NELL2: variants seen among roughly 807,000 people sequenced by gnomAD.
NELL2 encodes the protein neural EGFL like 2.
NELL2 carries 41 observed loss-of-function variants against 109.6 expected under a neutral mutation model. That is an observed-to-expected ratio of 0.37 (90% CI 0.29 to 0.49). The LOEUF is 0.49. Among genes scored for constraint, NELL2 ranks in the 20% least tolerant of loss-of-function variants. The pLI, the probability that NELL2 is intolerant of heterozygous loss-of-function variation, is 0.98. For missense variants in NELL2, 900 were observed against 1,008.3 expected (o/e 0.89, Z 1.45); for synonymous variants, 355 against 344.7 (o/e 1.03, Z -0.33).
At chr12:44,710,885 T>TATAAAAAG (rs1308051817) in intron 11 of NELL2, among the ~76,000 whole-genome samples, 2 of 152,022 alleles carry the variant, frequency 1.3e-5, no homozygotes, top group African/African-American at 4.8e-5. Flanking sequence ...ATATTCTAGG[T>TATAAAAAG]AAGTTATAAA....
At chr12:44,918,217 C>A (rs1945842841), upstream of NELL2, among the ~76,000 whole-genome samples, 1 of 152,110 alleles carries the variant, frequency 6.6e-6, no homozygotes, top group South Asian at 2.1e-4. Flanking sequence ...TTAAATTTGA[C>A]TTTGTTTTTT....
chr12:44,824,247 T>A (rs1943632182), intron 2 of NELL2, among the ~76,000 whole-genome samples: 1 of 152,258 alleles, frequency 6.6e-6, no homozygotes, highest in Admixed American at 6.5e-5. Context: ...TGTTTCCATT[T>A]TAGTGCAGAA....
At chr12:44,703,669 C>T in intron 12 of NELL2, 57 bp downstream of exon 12, 3 of 1,588,318 alleles carry the variant, frequency 1.9e-6, no homozygotes, top group African/African-American at 1.4e-5. Flanking sequence ...ATAAATTTTG[C>T]ATGCAGTAAT....
At chr12:44,706,742 C>T (rs1249090434) in intron 11 of NELL2, among the ~76,000 whole-genome samples, 1 of 152,060 alleles carries the variant, frequency 6.6e-6, no homozygotes, top group Non-Finnish European at 1.5e-5. Context: ...AAAGAAAATT[C>T]AAATATTTGT....
chr12:44,769,836 A>T (rs1198233268), intron 9 of NELL2, among the ~76,000 whole-genome samples: 4 of 152,168 alleles, frequency 2.6e-5, no homozygotes, highest in Non-Finnish European at 5.9e-5. Context: ...AGATGCAGCT[A>T]CATTTTTGAC....
chr12:44,824,441 G>A (rs530734262), intron 2 of NELL2, among the ~76,000 whole-genome samples: 1 of 152,202 alleles, frequency 6.6e-6, no homozygotes, highest in Non-Finnish European at 1.5e-5. Flanking sequence ...TGTGAGATAA[G>A]GGTCTAATTT....
intron 9 of NELL2, among the ~76,000 whole-genome samples, chr12:44,749,393 T>C (rs1374161282): frequency 6.6e-6 from 1 of 152,202 alleles, no homozygotes; most frequent in African/African-American, 2.4e-5. Flanking sequence ...TTATTTTTCC[T>C]AATTCTATTT....
At chr12:44,683,913 A>T (rs1038144013) in intron 12 of NELL2, among the ~76,000 whole-genome samples, 2 of 152,164 alleles carry the variant, frequency 1.3e-5, no homozygotes, top group African/African-American at 4.8e-5. Context: ...AGGCTTTGGT[A>T]TCAGGATGAT....
chr12:44,854,923 G>A (rs905853366), intron 2 of NELL2, among the ~76,000 whole-genome samples: 1 of 152,070 alleles, frequency 6.6e-6, no homozygotes, highest in African/African-American at 2.4e-5. Flanking sequence ...AGAAGTATAA[G>A]AGCCATAAAG....
intron 15 of NELL2, among the ~76,000 whole-genome samples, chr12:44,570,289 C>T (rs1358542420): frequency 6.6e-6 from 1 of 152,174 alleles, no homozygotes; most frequent in Non-Finnish European, 1.5e-5. Flanking sequence ...GATGCTGGTG[C>T]TCCACAATTA....
chr12:44,885,939 A>G (rs902044665), intron 1 of NELL2, among the ~76,000 whole-genome samples: 1 of 151,942 alleles, frequency 6.6e-6, no homozygotes, highest in Non-Finnish European at 1.5e-5. Flanking sequence ...AGACATAAAA[A>G]TTAATGGAAT....
intron 12 of NELL2, among the ~76,000 whole-genome samples, chr12:44,695,899 G>C (rs573244843): frequency 6.6e-6 from 1 of 152,190 alleles, no homozygotes; most frequent in African/African-American, 2.4e-5. Context: ...TGGGGGGATT[G>C]CTTGAGGGCA....
intron 1 of NELL2, among the ~76,000 whole-genome samples, chr12:44,908,464 T>G (rs1043131250): frequency 5.9e-5 from 9 of 152,004 alleles, no homozygotes; most frequent in African/African-American, 1.9e-4. Context: ...AATTGAGATT[T>G]TGACAAGGTT....
chr12:44,844,269 A>G (rs1944308184), intron 2 of NELL2, among the ~76,000 whole-genome samples: 1 of 152,230 alleles, frequency 6.6e-6, no homozygotes, highest in Admixed American at 6.5e-5. Context: ...TTCAAACAAT[A>G]GCAAATTGGA....
At chr12:44,741,781 G>C (rs1161675511) in intron 9 of NELL2, among the ~76,000 whole-genome samples, 1 of 152,150 alleles carries the variant, frequency 6.6e-6, no homozygotes, top group Admixed American at 6.6e-5. Flanking sequence ...TGCCGAGTTA[G>C]TTGTTTGATT....
At chr12:44,585,376 C>T (rs915266618) in intron 15 of NELL2, among the ~76,000 whole-genome samples, 22 of 151,932 alleles carry the variant, frequency 1.4e-4, no homozygotes, top group Admixed American at 1.3e-3. Context: ...CTGAGGGAGG[C>T]GGATCATCTG....
At chr12:44,752,055 C>T (rs1004433981) in intron 9 of NELL2, among the ~76,000 whole-genome samples, 5 of 152,136 alleles carry the variant, frequency 3.3e-5, no homozygotes, top group African/African-American at 1.2e-4. Context: ...GCATGCAGCC[C>T]GTGGGCCACA....
intron 12 of NELL2, among the ~76,000 whole-genome samples, chr12:44,680,162 C>A (rs1432222807): frequency 1.3e-5 from 2 of 152,056 alleles, no homozygotes; most frequent in Non-Finnish European, 1.5e-5. Flanking sequence ...TGTTACCCAT[C>A]CAGAGTTGCT....
chr12:44,739,765 C>A (rs1026038177), intron 9 of NELL2, among the ~76,000 whole-genome samples: 18 of 152,016 alleles, frequency 1.2e-4, no homozygotes, highest in African/African-American at 3.9e-4. Flanking sequence ...GTGGCAGGCA[C>A]CTGTAATCAC....
Sources: allele counts gnomAD v4.1 joint callset (sites outside exome capture counted in the v4.1 genomes callset), GRCh38; gene constraint gnomAD v4.1.1; transcripts MANE v1.5; gene names NCBI Gene and HGNC (gene_info 2026-07-23, HGNC 2026-07-21).